SZT2: variants seen among roughly 807,000 people sequenced by gnomAD.
SZT2 encodes KICSTOR complex protein SZT2.
SZT2 carries 216 observed loss-of-function variants against 404.2 expected under a neutral mutation model. The ratio of observed to expected loss-of-function variants is 0.53; its 90% CI spans 0.48 to 0.60. The LOEUF is 0.60. SZT2 is among the 20% of genes least tolerant of loss of function. The probability of loss-of-function intolerance (pLI) is 0.00; values close to 1 mark genes in which losing one functional copy is unlikely to be tolerated. For missense variants in SZT2, 3,857 were observed against 4,459.2 expected, an observed-to-expected ratio of 0.86 and a Z score of 3.85; for synonymous variants, 1,693 against 1,749.9, an observed-to-expected ratio of 0.97 and a Z score of 0.81.
Position 43,420,903 on chromosome 1 carries a change from T to A in SZT2, c.1416T>A (p.Asp472Glu). Residue 472 changes from aspartate to glutamate, a missense_variant, in exon 10 of 72, where the codon GAT (aspartate) becomes GAA (glutamate). Around this residue, in one of 7 missense-constraint regions of SZT2, gnomAD observed 536 missense variants for 637.4 expected, o/e 0.84. Transcript: ENST00000634258. The surrounding 1 kb of genome is among the most constrained non-coding windows in gnomAD (Gnocchi z 5.1). ...TMEGGYDILH[D>E]VSCALRQPIR... ...AAGGCGGCTACGACATTTTGCATGA[T>A]GTGTCCTGTGCACTAAGGCAGCCCA... 6.3e-7 allele frequency: 1 copy of A among 1,598,454 alleles called. No homozygotes were observed. Among genetic ancestry groups the A allele is most frequent in the Non-Finnish European group, 8.5e-7 (1 of 1,179,800 alleles).
chr1:43,428,979 T>C (rs1172209022), intron 28 of SZT2: 4 of 164,986 alleles, frequency 2.4e-5, no homozygotes, highest in African/African-American at 7.2e-5. Flanking sequence ...TGTGTTAGCG[T>C]TGGGGAAACA....
rs767596360 is a variant in SZT2, at chr1:43,451,065, G to A, written c.*585G>A. The A allele has an allele frequency of 5.0e-6, 4 of 800,474 alleles. No individual in the cohort carries two copies. Among genetic ancestry groups the A allele is most frequent in the African/African-American group, 3.3e-5 (2 of 59,708 alleles). The allele number at this position is 800,474 out of a possible 1,614,324, so 49.6% of individuals were successfully genotyped here. On this transcript the variant is annotated 3_prime_UTR_variant, in exon 72 of 72. Transcript: ENST00000634258. ...CTCTCCCATCTTCACAGCAACCCTG[G>A]CACTGGCTTCTCAATGGGAGGGAAG... is the stretch of plus-strand genomic sequence containing the variant.
chr1:43,428,630 C>A, intron 28 of SZT2, 144 bp downstream of exon 28: 1 of 1,167,512 alleles, frequency 8.6e-7, no homozygotes, highest in Non-Finnish European at 1.2e-6. Flanking sequence ...GGCTCACGGA[C>A]TCCCATGCAG....
rs375304132 is a variant in SZT2 at position 43,435,339 on chromosome 1, C to T, written c.6034+10C>T. ...CCACTGCCCAGTGATGGTGAGATCC[C>T]ACCCAGGAGCCTCCCTCACAAGGCA... On this transcript the variant is annotated intron_variant, in intron 42 of 71. Coordinates refer to ENST00000634258, the MANE Select transcript of SZT2 (RefSeq NM_001365999.1). The T allele has an allele frequency of 6.2e-7, 1 of 1,613,264 alleles. No individual in the cohort carries two copies. Among genetic ancestry groups the T allele is most frequent in the African/African-American group, 1.3e-5 (1 of 75,046 alleles).
In SZT2 at chr1:43,447,645, C is replaced by G; in HGVS notation, c.9387C>G (p.Ala3129=). 6.2e-7 allele frequency: 1 copy of G among 1,614,198 alleles called. No homozygotes were observed. Residue 3129 remains alanine (A), a synonymous_variant, in exon 67 of 72, where the codon GCC becomes GCG. Coordinates refer to ENST00000634258, the MANE Select transcript of SZT2 (RefSeq NM_001365999.1). ...SSYHMKPLRM[A]RPGGPEHNEY... Reference sequence around the variant, plus strand: ...ACCACATGAAGCCATTGCGAATGGCCCGGCCAGGGGGCCCAGAACACAACG... The same window carrying G: ...ACCACATGAAGCCATTGCGAATGGCGCGGCCAGGGGGCCCAGAACACAACG...
Position 43,450,581 on chromosome 1 carries a change from C to T in SZT2, c.*101C>T, listed in dbSNP as rs1656276986. 2 of 1,515,518 alleles carry T rather than the reference C, an allele frequency of 1.3e-6. No individual in the cohort carries two copies. The highest frequency in any genetic ancestry group is 1.8e-5 in the Admixed American group (1 of 56,100). 93.9% of individuals were successfully genotyped at this position (1,515,518 alleles called of 1,614,324 possible). On this transcript the variant is annotated 3_prime_UTR_variant, in exon 72 of 72. Coordinates refer to ENST00000634258, the MANE Select transcript of SZT2 (RefSeq NM_001365999.1). This position sits in a 1 kb window ranked among gnomAD's most constrained non-coding sequence, Gnocchi z 4.3. ...TGACCAGCCCTTCTGGGCCCCAGGG[C>T]AAGCCAGACACTGAGTGACACCAAA...
At chr1:43,401,698 C>T (rs1649708535) in intron 1 of SZT2, among the ~76,000 whole-genome samples, 1 of 152,102 alleles carries the variant, frequency 6.6e-6, no homozygotes, top group Non-Finnish European at 1.5e-5. Flanking sequence ...GTTGGCCAGG[C>T]TGGTCTCGAA....
chr1:43,405,659 T>C (rs927417086), intron 4 of SZT2: 20 of 152,208 alleles, frequency 1.3e-4, no homozygotes, highest in Admixed American at 7.9e-4. Flanking sequence ...CATACCTGGA[T>C]CCCAGGGCAG....
Position 43,451,372 on chromosome 1 carries a change from G to A in SZT2, c.*892G>A, listed in dbSNP as rs1187290459. ...CAAGGAGAAAACAGCCCCTGTCCGG[G>A]TCCCTCCAGAGCTCCCTTCCCCAGG... On this transcript the variant is annotated 3_prime_UTR_variant, in exon 72 of 72. Coordinates refer to ENST00000634258, the MANE Select transcript of SZT2 (RefSeq NM_001365999.1). 1.9e-6 allele frequency: 3 copies of A among 1,611,848 alleles called. No individual in the cohort carries two copies. The highest frequency in any genetic ancestry group is 2.5e-6 in the Non-Finnish European group (3 of 1,180,018).
Position 43,420,256 on chromosome 1 carries a change from C to T in SZT2, c.1194C>T (p.Asp398=). Residue 398 remains aspartate (D), a synonymous_variant, in exon 9 of 72, where the codon GAC becomes GAT. Transcript: ENST00000634258. The surrounding 1 kb of genome is among the most constrained non-coding windows in gnomAD (Gnocchi z 5.1). The stretch of plus-strand genomic sequence containing the variant: ...ACACTGAGAAGGAGGTGCCAGCCGA[C>T]TTGGTCAGCACTGTGTCCGTACGGC... ...KKHTEKEVPA[D]LVSTVSVRLR... 3 of 1,598,476 alleles carry T rather than the reference C, an allele frequency of 1.9e-6. No homozygotes were observed. Among genetic ancestry groups the T allele is most frequent in the Non-Finnish European group, 2.5e-6 (3 of 1,179,812 alleles).
Position 43,419,963 on chromosome 1 carries a change from T to C in SZT2, c.1090+19T>C, listed in dbSNP as rs777187425. The C allele has an allele frequency of 1.9e-6, 3 of 1,597,674 alleles. No homozygotes were observed. The South Asian group carries it at 3.3e-5, about 18-fold the overall frequency. ...TACTGCGGTGAGAGGCACACTGAGG[T>C]GGGTGTGGGAAGGAGGGAATATAGA... On this transcript the variant is annotated intron_variant, in intron 8 of 71. Coordinates refer to ENST00000634258, the MANE Select transcript of SZT2 (RefSeq NM_001365999.1).
In SZT2 at chr1:43,426,034, G is replaced by A. The variant is rs780736141; in HGVS notation, c.2930-4G>A. Reference sequence around the variant, plus strand: ...CACTGTGTCCTGTCCTTCCTCCCTCGTAGGATTGGATCAGGGAGGAGACAC... The same window carrying A: ...CACTGTGTCCTGTCCTTCCTCCCTCATAGGATTGGATCAGGGAGGAGACAC... On this transcript the variant is annotated splice_region_variant and splice_polypyrimidine_tract_variant and intron_variant, in intron 20 of 71. Coordinates refer to ENST00000634258, the MANE Select transcript of SZT2 (RefSeq NM_001365999.1). The surrounding 1 kb of genome is among the most constrained non-coding windows in gnomAD (Gnocchi z 4.9). The A allele has an allele frequency of 9.9e-6, 16 of 1,613,600 alleles. No individual in the cohort carries two copies. Among genetic ancestry groups the A allele is most frequent in the Admixed American group, 3.3e-5 (2 of 59,988 alleles).
At position 43,415,995 on chromosome 1, in the gene SZT2, G is replaced by A; in HGVS notation, c.666G>A (p.Leu222=). The change falls in exon 6 of 72, where the codon CTG becomes CTA. Residue 222 remains leucine (L), a synonymous_variant. Transcript: ENST00000634258. The part of the protein sequence containing the change: ...EDQSPDSGDL[L]GRKVGVSMVT... ...AGTCCCCAGACTCAGGGGACCTACT[G>A]GGCCGGAAGGTAGGCGTCTCCATGG... The A allele has an allele frequency of 6.3e-7, 1 of 1,598,104 alleles. No homozygotes were observed. Among genetic ancestry groups the A allele is most frequent in the East Asian group, 2.2e-5 (1 of 44,874 alleles).
intron 4 of SZT2, chr1:43,412,641 A>G (rs1217381014): frequency 6.6e-6 from 1 of 152,218 alleles, no homozygotes; most frequent in Non-Finnish European, 1.5e-5. Context: ...AAAATGGACA[A>G]ATAGGATCAC....
At chr1:43,402,684 C>G (rs1423350248) in intron 1 of SZT2, among the ~76,000 whole-genome samples, 1 of 152,120 alleles carries the variant, frequency 6.6e-6, no homozygotes, top group South Asian at 2.1e-4. Context: ...GGGACTGTGA[C>G]CCACAGAGGT....
Position 43,441,705 on chromosome 1 carries a change from A to G in SZT2, c.7629A>G (p.Arg2543=). ...TCCTAGGTTGTGCCTCAGTGTCCAGAAGCTCTGCCCACATGGTGTCCCGGT... is the reference window on the plus strand; with the variant it reads ...TCCTAGGTTGTGCCTCAGTGTCCAGGAGCTCTGCCCACATGGTGTCCCGGT... ...MVQIGCASVS[R]SSAHMVSRFL... The change falls in exon 55 of 72, where the codon AGA becomes AGG. Residue 2543 remains arginine, a synonymous_variant. Transcript: ENST00000634258. This position sits in a 1 kb window ranked among gnomAD's most constrained non-coding sequence, Gnocchi z 4.8. 6.2e-7 allele frequency: 1 copy of G among 1,614,146 alleles called. No individual in the cohort carries two copies. The highest frequency in any genetic ancestry group is 8.5e-7 in the Non-Finnish European group (1 of 1,180,018).
At chr1:43,396,792 A>G (rs1392522013) in intron 1 of SZT2, among the ~76,000 whole-genome samples, 2 of 152,090 alleles carry the variant, frequency 1.3e-5, no homozygotes, top group Admixed American at 1.3e-4. Context: ...CCCCATTTGC[A>G]CTCCCCCAGG....
chr1:43,453,409 A>T lies in SZT2; in HGVS notation c.*2929A>T, dbSNP rs769534662. ...ACCTGGGACAGCCCAGGGCTTTGGC[A>T]TACCGCACGGCCTGCTCCAGTCCCT... On this transcript the variant is annotated 3_prime_UTR_variant, in exon 72 of 72. Transcript: ENST00000634258. The T allele has an allele frequency of 1.3e-6, 2 of 1,557,112 alleles. No individual in the cohort carries two copies. The highest frequency in any genetic ancestry group is 8.7e-7 in the Non-Finnish European group (1 of 1,149,716).
Position 43,451,277 on chromosome 1 carries a change from T to G in SZT2, c.*797T>G. ...CTGGGTGGCCCCGCCTATCCCAGTA[T>G]GAACGTAGCCAACTCAAGCCCTCTA... On this transcript the variant is annotated 3_prime_UTR_variant, in exon 72 of 72. Transcript: ENST00000634258. 1.2e-6 allele frequency: 2 copies of G among 1,614,112 alleles called. No homozygotes were observed. The highest frequency in any genetic ancestry group is 1.7e-6 in the Non-Finnish European group (2 of 1,180,030).
Sources: allele counts gnomAD v4.1 joint callset (sites outside exome capture counted in the v4.1 genomes callset), GRCh38; gene constraint gnomAD v4.1.1; regional missense constraint gnomAD v4.1.1; non-coding constraint Gnocchi (gnomAD v3.1); transcripts MANE v1.5; gene names NCBI Gene and HGNC (gene_info 2026-07-23, HGNC 2026-07-21).